MILR1: variants seen among roughly 807,000 people sequenced by gnomAD.
MILR1 encodes the protein mast cell immunoglobulin like receptor 1, also known as allergin-1.
A neutral mutation model predicts 18.5 loss-of-function variants in MILR1; 31 were observed. The ratio of observed to expected loss-of-function variants is 1.68; its 90% confidence interval spans 1.26 to 2.26. The LOEUF is 2.26. MILR1 is among the 30% of genes most tolerant of loss of function. The pLI, the probability that MILR1 is intolerant of heterozygous loss-of-function variation, is 0.00. For synonymous variants in MILR1, 85 were observed against 56.2 expected, an observed-to-expected ratio of 1.51 and a Z score of -2.30; for missense variants, 257 against 157.4, an observed-to-expected ratio of 1.63 and a Z score of -3.38.
chr17:64,490,859 G>A, the MILR1 span: 1 of 1,613,518 alleles, frequency 6.2e-7, no homozygotes, highest in Non-Finnish European at 8.5e-7. Context: ...GGTTCCACAG[G>A]GTTTCTATTA....
the MILR1 span, among the ~76,000 whole-genome samples, chr17:64,492,513 C>T: frequency 3.3e-5 from 5 of 152,210 alleles, no homozygotes; most frequent in African/African-American, 9.6e-5. Flanking sequence ...TAATCTAGAA[C>T]AATGAAAATT....
Position 64,452,645 on chromosome 17 carries a change from G to T in MILR1, c.146G>T (p.Gly49Val), listed in dbSNP as rs1360567363. Residue 49 changes from glycine to valine, a missense_variant, in exon 3 of 10, where the codon GGT becomes GTT. Coordinates refer to ENST00000619286, the MANE Select transcript of MILR1 (RefSeq NM_001085423.2). ...TCAAAGACTAAGGTGGTTATGAAGGGTCAAAATGTATCTATGTTTTGTTCC... is the reference window on the plus strand; with the variant it reads ...TCAAAGACTAAGGTGGTTATGAAGGTTCAAAATGTATCTATGTTTTGTTCC... The part of the protein sequence containing the change: ...LDSKTKVVMK[G>V]QNVSMFCSHK... 3.1e-5 allele frequency: 14 copies of T among 448,356 alleles called. No individual in the cohort carries two copies. The Admixed American group carries it at 3.8e-4, about 12-fold the overall frequency. The allele number at this position is 448,356 out of a possible 1,614,324, so 27.8% of individuals were successfully genotyped here.
chr17:64,483,523 A>C, the MILR1 span, among the ~76,000 whole-genome samples: 2 of 151,286 alleles, frequency 1.3e-5, no homozygotes, highest in African/African-American at 4.9e-5. Flanking sequence ...CAAAAAAAAA[A>C]AAAAACAAAT....
intron 5 of MILR1, among the ~76,000 whole-genome samples, chr17:64,461,352 A>G: frequency 6.6e-6 from 1 of 152,100 alleles, no homozygotes; most frequent in East Asian, 1.9e-4. Flanking sequence ...GGTTCAAGCA[A>G]TTCTCCTGCC....
intron 8 of MILR1, 28 bp from the exon 9 acceptor site, chr17:64,467,537 G>T: frequency 7.3e-7 from 1 of 1,378,804 alleles, no homozygotes; most frequent in East Asian, 2.4e-5. Context: ...CATATCCTAA[G>T]TAAATTATTT....
chr17:64,485,966 G>A, the MILR1 span: 4 of 1,160,844 alleles, frequency 3.4e-6, no homozygotes, highest in Non-Finnish European at 5.1e-6. Context: ...GGCCAGGCTG[G>A]AGTGCAGTGG....
chr17:64,491,467 G>C, the MILR1 span: 6 of 1,070,498 alleles, frequency 5.6e-6, no homozygotes, highest in Non-Finnish European at 8.4e-6. Context: ...CTGTGATTGT[G>C]CAACGGCAGT....
chr17:64,460,765 T>G (rs1241892750), intron 4 of MILR1, 57 bp from the exon 5 acceptor site: 2 of 469,734 alleles, frequency 4.3e-6, no homozygotes, highest in East Asian at 6.3e-5. Context: ...ACTTACTGGC[T>G]TAATGTCATT....
intron 4 of MILR1, among the ~76,000 whole-genome samples, chr17:64,459,320 G>A (rs2037370298): frequency 6.6e-6 from 1 of 152,122 alleles, no homozygotes; most frequent in African/African-American, 2.4e-5. Context: ...TGTGGTCTCA[G>A]CTACTCAGAG....
chr17:64,471,948 A>G (rs73993940), downstream of MILR1, among the ~76,000 whole-genome samples: 1 of 152,212 alleles, frequency 6.6e-6, no homozygotes, highest in African/African-American at 2.4e-5. Context: ...TGAGAATCAC[A>G]TTAAAAAAGT....
the MILR1 span, among the ~76,000 whole-genome samples, chr17:64,479,554 C>G: frequency 1.3e-5 from 2 of 151,612 alleles, no homozygotes; most frequent in African/African-American, 4.9e-5. Context: ...ACTTTTCACC[C>G]AAAAGATACA....
the MILR1 span, chr17:64,492,594 C>T: frequency 9.7e-6 from 8 of 823,082 alleles, no homozygotes; most frequent in South Asian, 1.1e-4. Context: ...TCTTGTATGT[C>T]AGAAGAATTA....
the MILR1 span, chr17:64,491,113 A>G: frequency 1.4e-6 from 1 of 703,914 alleles, no homozygotes; most frequent in Non-Finnish European, 2.4e-6. Flanking sequence ...TACAAATTTT[A>G]AAGTTTATTC....
the MILR1 span, among the ~76,000 whole-genome samples, chr17:64,475,851 T>A: frequency 2.2e-5 from 3 of 138,620 alleles, no homozygotes; most frequent in African/African-American, 8.6e-5. Context: ...TCTCACTGTG[T>A]CACCCAGGCT....
chr17:64,491,632 C>T, the MILR1 span: 21 of 1,501,780 alleles, frequency 1.4e-5, no homozygotes, highest in Admixed American at 1.7e-5. Context: ...CTTGATGGAG[C>T]GTTTCAAAGA....
the MILR1 span, among the ~76,000 whole-genome samples, chr17:64,480,713 A>T: frequency 6.6e-6 from 1 of 152,196 alleles, no homozygotes; most frequent in Non-Finnish European, 1.5e-5. Flanking sequence ...TCAGAAAAAA[A>T]CCAGGAGATC....
the MILR1 span, among the ~76,000 whole-genome samples, chr17:64,492,320 T>G: frequency 6.6e-6 from 1 of 152,162 alleles, no homozygotes; most frequent in Non-Finnish European, 1.5e-5. Context: ...TACAGAGCCA[T>G]TTTGACTAAT....
the MILR1 span, among the ~76,000 whole-genome samples, chr17:64,475,664 A>C: frequency 2.7e-5 from 4 of 148,176 alleles, no homozygotes; most frequent in African/African-American, 7.7e-5. Flanking sequence ...AAAAAAAAAA[A>C]CAACAAAAAA....
At chr17:64,496,497 G>T in the MILR1 span, 5 of 1,612,826 alleles carry the variant, frequency 3.1e-6, no homozygotes, top group African/African-American at 1.3e-5. Context: ...TCTTTGTCTT[G>T]CAAGATTTCG....
Sources: gnomAD v4.1 joint callset for allele counts (sites outside exome capture counted in the v4.1 genomes callset) on GRCh38, gnomAD v4.1.1 for gene constraint, MANE v1.5 for transcripts, NCBI Gene and HGNC (gene_info 2026-07-23, HGNC 2026-07-21) for gene names.